Variants in LRFN2 observed in about 807,000 individuals in gnomAD.
LRFN2 encodes leucine-rich repeat and fibronectin type-III domain-containing protein 2.
A neutral mutation model predicts 37.3 loss-of-function variants in LRFN2; 18 were observed. That is an observed-to-expected ratio of 0.48 (90% confidence interval 0.33 to 0.72). The LOEUF is 0.72. LRFN2 is among the 30% of genes least tolerant of loss of function. LRFN2 has a pLI of 0.02. For missense variants in LRFN2, 1,006 were observed against 1,060.7 expected (o/e 0.95, Z 0.72); for synonymous variants, 556 against 466.6 (o/e 1.19, Z -2.47).
chr6:40,405,559 C>T (rs1380992584), intron 2 of LRFN2, among the ~76,000 whole-genome samples: 1 of 152,120 alleles, frequency 6.6e-6, no homozygotes, highest in Admixed American at 6.5e-5. Context: ...ACCCATGTAA[C>T]CCCAAGGAAA....
chr6:40,452,143 T>C (rs963539148), intron 1 of LRFN2, among the ~76,000 whole-genome samples: 3 of 152,188 alleles, frequency 2.0e-5, no homozygotes, highest in Admixed American at 1.3e-4. Flanking sequence ...AAGTGTCCAA[T>C]CTTACCACCC....
At chr6:40,506,686 C>T (rs1765551447) in intron 1 of LRFN2, among the ~76,000 whole-genome samples, 1 of 152,122 alleles carries the variant, frequency 6.6e-6, no homozygotes, top group Non-Finnish European at 1.5e-5. Flanking sequence ...TGTCCCAGAC[C>T]TATTGGAAGA....
At chr6:40,415,024 T>G (rs942552430) in intron 2 of LRFN2, among the ~76,000 whole-genome samples, 1 of 152,100 alleles carries the variant, frequency 6.6e-6, no homozygotes, top group Non-Finnish European at 1.5e-5. Flanking sequence ...CAGGACACAT[T>G]CAGTGTACTG....
intron 1 of LRFN2, among the ~76,000 whole-genome samples, chr6:40,544,662 C>G (rs141225344): frequency 2.6e-5 from 4 of 152,224 alleles, no homozygotes; most frequent in Non-Finnish European, 5.9e-5. Context: ...CAAGCTCACA[C>G]GGAGAATCAG....
intron 1 of LRFN2, among the ~76,000 whole-genome samples, chr6:40,510,579 G>A (rs1561887065): frequency 6.6e-6 from 1 of 152,260 alleles, no homozygotes; most frequent in Non-Finnish European, 1.5e-5. Flanking sequence ...TGGGTTCAGT[G>A]CTGAGGCACA....
intron 1 of LRFN2, among the ~76,000 whole-genome samples, chr6:40,496,197 C>A (rs1765221271): frequency 6.6e-6 from 1 of 152,292 alleles, no homozygotes; most frequent in East Asian, 1.9e-4. Context: ...CCCCTTCTTA[C>A]CACCTCCACT....
chr6:40,556,288 C>A (rs1020022502), intron 1 of LRFN2, among the ~76,000 whole-genome samples: 1 of 152,238 alleles, frequency 6.6e-6, no homozygotes, highest in African/African-American at 2.4e-5. Flanking sequence ...CCAGCCCCGA[C>A]TGAACACAGG....
At chr6:40,452,882 G>A (rs913701033) in intron 1 of LRFN2, among the ~76,000 whole-genome samples, 5 of 152,198 alleles carry the variant, frequency 3.3e-5, no homozygotes, top group African/African-American at 1.2e-4. Context: ...GGGAGAGGAA[G>A]AGAATATACA....
At chr6:40,416,258 C>T (rs937671356) in intron 2 of LRFN2, among the ~76,000 whole-genome samples, 4 of 152,254 alleles carry the variant, frequency 2.6e-5, no homozygotes, top group Admixed American at 6.5e-5. Flanking sequence ...ATCTGCCCGC[C>T]TCAGCCTCCC....
At chr6:40,494,120 A>G (rs1765164641) in intron 1 of LRFN2, among the ~76,000 whole-genome samples, 1 of 152,256 alleles carries the variant, frequency 6.6e-6, no homozygotes, top group African/African-American at 2.4e-5. Flanking sequence ...ACAACACAAG[A>G]TGGGAAAGCA....
chr6:40,570,275 T>C (rs1767164517), intron 1 of LRFN2, among the ~76,000 whole-genome samples: 1 of 152,190 alleles, frequency 6.6e-6, no homozygotes, highest in Admixed American at 6.5e-5. Context: ...ATAAAAATAA[T>C]AATGATAGCT....
At chr6:40,506,430 C>T (rs541169058) in intron 1 of LRFN2, among the ~76,000 whole-genome samples, 2 of 152,194 alleles carry the variant, frequency 1.3e-5, no homozygotes, top group South Asian at 4.2e-4. Context: ...ATAAGGATAC[C>T]CTCAGAAATC....
chr6:40,518,729 T>C (rs1561891659), intron 1 of LRFN2, among the ~76,000 whole-genome samples: 2 of 152,198 alleles, frequency 1.3e-5, no homozygotes, highest in Admixed American at 6.5e-5. Flanking sequence ...AATACACATA[T>C]TGAGTGCCTA....
At chr6:40,532,948 G>A (rs978687552) in intron 1 of LRFN2, among the ~76,000 whole-genome samples, 3 of 152,142 alleles carry the variant, frequency 2.0e-5, no homozygotes, top group African/African-American at 7.2e-5. Context: ...TGGACTATGG[G>A]TCAAGTACCA....
At chr6:40,566,555 T>C (rs996012395) in intron 1 of LRFN2, among the ~76,000 whole-genome samples, 2 of 151,656 alleles carry the variant, frequency 1.3e-5, no homozygotes, top group Admixed American at 6.6e-5. Context: ...TATGCAGCCA[T>C]AAAAAATGAT....
chr6:40,406,772 A>G (rs887332771), intron 2 of LRFN2, among the ~76,000 whole-genome samples: 2 of 152,168 alleles, frequency 1.3e-5, no homozygotes, highest in African/African-American at 4.8e-5. Context: ...TGCTTCCCAT[A>G]TTGTGAGGCC....
intron 1 of LRFN2, among the ~76,000 whole-genome samples, chr6:40,561,920 C>T (rs1277485990): frequency 6.6e-6 from 1 of 152,126 alleles, no homozygotes; most frequent in African/African-American, 2.4e-5. Context: ...CCATGATGAC[C>T]AGGAGTCAAG....
chr6:40,515,604 T>C (rs1765842737), intron 1 of LRFN2, among the ~76,000 whole-genome samples: 1 of 152,090 alleles, frequency 6.6e-6, no homozygotes, highest in Non-Finnish European at 1.5e-5. Flanking sequence ...ACCTAAGAAT[T>C]CCGGCTGGGC....
intron 1 of LRFN2, among the ~76,000 whole-genome samples, chr6:40,456,824 T>C (rs1764245486): frequency 6.6e-6 from 1 of 152,102 alleles, no homozygotes; most frequent in Admixed American, 6.6e-5. Context: ...GTAGCTATGC[T>C]CCTTGGGTCA....
Sources: gnomAD v4.1 joint callset for allele counts (sites outside exome capture counted in the v4.1 genomes callset) on GRCh38, gnomAD v4.1.1 for gene constraint, MANE v1.5 for transcripts, NCBI Gene and HGNC (gene_info 2026-07-23, HGNC 2026-07-21) for gene names.